CDC14A: variants seen among roughly 807,000 people sequenced by gnomAD.
CDC14A encodes the protein cell division cycle 14A.
Under a neutral mutation model 74.4 loss-of-function variants are expected in CDC14A, and 53 were observed. That is an observed-to-expected ratio of 0.71 (90% CI 0.57 to 0.89). CDC14A has a LOEUF of 0.89. Among genes scored for constraint, CDC14A ranks in the 40% least tolerant of loss-of-function variants. The pLI is 0.00. For synonymous variants in CDC14A, 247 were observed against 258.4 expected (o/e 0.96, Z 0.43); for missense variants, 646 against 713.7 (o/e 0.91, Z 1.08).
At chr1:100,507,469 C>CT (rs1215052091) in intron 15 of CDC14A, among the ~76,000 whole-genome samples, 104 of 145,920 alleles carry the variant, frequency 7.1e-4, no homozygotes, top group East Asian at 2.0e-3. Flanking sequence ...CATCATTCTT[C>CT]TTTTTTTTTT....
intron 12 of CDC14A, 63 bp downstream of exon 12, chr1:100,494,993 C>A: frequency 1.2e-6 from 1 of 828,996 alleles, no homozygotes; most frequent in Middle Eastern, 2.3e-4. Flanking sequence ...AACATTTCAT[C>A]TTCTCTTTAA....
At position 100,484,357 on chromosome 1, in the gene CDC14A, G is replaced by A; in HGVS notation, c.1043G>A (p.Ser348Asn). The A allele has an allele frequency of 6.2e-7, 1 of 1,606,718 alleles. No individual in the cohort carries two copies. Among genetic ancestry groups the A allele is most frequent in the Non-Finnish European group, 8.5e-7 (1 of 1,176,574 alleles). Reference sequence around the variant, plus strand: ...TCCAAACTGAAAAATCGACCATCCAGTGAAGGAAGTATTAATAAAATTCTT... The same window carrying A: ...TCCAAACTGAAAAATCGACCATCCAATGAAGGAAGTATTAATAAAATTCTT... ...FRSKLKNRPS[S>N]EGSINKILSG... Residue 348 changes from serine to asparagine, a missense_variant, in exon 11 of 16, where the codon AGT becomes AAT. Physicochemically the swap from Ser to Asn is conservative, Grantham distance 46. Coordinates refer to ENST00000336454, the MANE Select transcript of CDC14A (RefSeq NM_003672.4).
At chr1:100,447,979 T>C (rs1354472410) in intron 7 of CDC14A, among the ~76,000 whole-genome samples, 3 of 152,236 alleles carry the variant, frequency 2.0e-5, no homozygotes, top group Non-Finnish European at 4.4e-5. Context: ...GGCTTTCCGC[T>C]ATTTACCAAA....
chr1:100,441,650 GTT>G (rs35544438), intron 6 of CDC14A, among the ~76,000 whole-genome samples: 6 of 138,476 alleles, frequency 4.3e-5, no homozygotes, highest in Non-Finnish European at 6.3e-5. Context: ...GATGAACTCA[GTT>G]TTTTTTTTTT....
At chr1:100,355,912 C>G (rs1221864279) in intron 2 of CDC14A, among the ~76,000 whole-genome samples, 1 of 152,130 alleles carries the variant, frequency 6.6e-6, no homozygotes, top group African/African-American at 2.4e-5. Flanking sequence ...CATTCACAGG[C>G]AGGTAGGGGC....
intron 10 of CDC14A, among the ~76,000 whole-genome samples, chr1:100,470,410 A>G (rs1282567480): frequency 6.6e-6 from 1 of 151,994 alleles, no homozygotes; most frequent in Admixed American, 6.5e-5. Flanking sequence ...CACTACTTCT[A>G]ATATTATACT....
chr1:100,391,289 T>C (rs1257881401), intron 4 of CDC14A, among the ~76,000 whole-genome samples: 1 of 151,248 alleles, frequency 6.6e-6, no homozygotes, highest in Non-Finnish European at 1.5e-5. Context: ...TACAATTGTT[T>C]GCAGTAGGCA....
chr1:100,447,399 A>C (rs1557769504), intron 7 of CDC14A, among the ~76,000 whole-genome samples: 1 of 152,196 alleles, frequency 6.6e-6, no homozygotes, highest in Non-Finnish European at 1.5e-5. Flanking sequence ...AGTTCCTTAC[A>C]TTTGCCCCGA....
At chr1:100,441,021 C>T (rs1450935485) in intron 6 of CDC14A, among the ~76,000 whole-genome samples, 1 of 152,114 alleles carries the variant, frequency 6.6e-6, no homozygotes. Flanking sequence ...CAACATATAA[C>T]AGTTGATTAT....
At chr1:100,391,047 A>T (rs116151654) in intron 4 of CDC14A, 1 of 562,022 alleles carries the variant, frequency 1.8e-6, no homozygotes, top group Non-Finnish European at 3.2e-6. Flanking sequence ...AAACTGCAAT[A>T]TGTAGCTTGA....
Position 100,439,225 on chromosome 1 carries a change from C to G in CDC14A, c.390-707C>G, listed in dbSNP as rs565385624. Among the ~76,000 whole-genome samples the G allele has an allele frequency of 6.5e-4, 99 of 152,282 alleles. 1 individual carries two copies. The highest frequency in any genetic ancestry group is 2.2e-3 in the African/African-American group (91 of 41,562). ...TAGAAGCTCTCGTGGCTCCCAGTGG[C>G]TCAGAGGAGATTGTTTGGAAGCCTG... On this transcript the variant is annotated intron_variant, in intron 5 of 15. Coordinates refer to ENST00000336454, the MANE Select transcript of CDC14A (RefSeq NM_003672.4).
At chr1:100,512,558 A>T (rs1649869329) in intron 15 of CDC14A, among the ~76,000 whole-genome samples, 2 of 152,186 alleles carry the variant, frequency 1.3e-5, no homozygotes, top group Admixed American at 1.3e-4. Flanking sequence ...TGAACTGAAA[A>T]CACTCATGTA....
intron 8 of CDC14A, among the ~76,000 whole-genome samples, chr1:100,458,076 G>A (rs868600124): frequency 3.9e-5 from 6 of 152,188 alleles, no homozygotes; most frequent in Non-Finnish European, 8.8e-5. Flanking sequence ...TACCTGCCAG[G>A]AAGGGTGCTA....
rs964905839 is a variant in CDC14A at position 100,352,752 on chromosome 1, C to T, written c.-203C>T. ...GTGAGCGCCCCGCGCGGAGCGAGCT[C>T]GGGTTCCCCTCGGAATGTCCCCGGG... On this transcript the variant is annotated 5_prime_UTR_variant, in exon 1 of 16. Coordinates refer to ENST00000336454, the MANE Select transcript of CDC14A (RefSeq NM_003672.4). The T allele has an allele frequency of 8.6e-6, 12 of 1,403,238 alleles. No homozygotes were observed. Among genetic ancestry groups the T allele is most frequent in the Non-Finnish European group, 1.1e-5 (12 of 1,084,228 alleles). 86.9% of individuals were successfully genotyped at this position (1,403,238 alleles called of 1,614,324 possible). A position where few individuals can be genotyped will look rare whatever the true frequency, so the allele number is the denominator to read the frequency against.
chr1:100,442,273 G>T (rs1258542089), intron 6 of CDC14A, among the ~76,000 whole-genome samples: 1 of 145,766 alleles, frequency 6.9e-6, no homozygotes, highest in East Asian at 2.0e-4. Flanking sequence ...CTATTAAGTA[G>T]AAATATTAAG....
Position 100,393,857 on chromosome 1 carries a change from C to T in CDC14A, c.309+3033C>T, listed in dbSNP as rs141581721. The T allele has an allele frequency of 2.8e-3, 715 of 252,400 alleles. 6 individuals are homozygous for T. The highest frequency in any genetic ancestry group is 0.015 in the African/African-American group (658 of 43,556). The allele number at this position is 252,400 out of a possible 1,614,324, so 15.6% of individuals were successfully genotyped here. On this transcript the variant is annotated intron_variant, in intron 4 of 15. Transcript: ENST00000336454. ...ACTCGGGAGGCTGAGGCAGGAGAAT[C>T]GCTTGAACCCAGGAGTGGGAGGTTG...
rs559329175 is a variant in CDC14A, at chr1:100,370,225, C to T, written c.141-7321C>T. ...CTTGAACTCCTGGGGGTCAAGCGAT[C>T]GGCCTGCCTTAGCCTCTCAAAGTGT... is the stretch of plus-strand genomic sequence containing the variant. On this transcript the variant is annotated intron_variant, in intron 2 of 15. Coordinates refer to ENST00000336454, the MANE Select transcript of CDC14A (RefSeq NM_003672.4). Among the ~76,000 whole-genome samples the T allele has an allele frequency of 6.6e-5, 10 of 151,850 alleles. No homozygotes were observed. The East Asian group carries it at 7.7e-4, about 12-fold the overall frequency.
intron 4 of CDC14A, among the ~76,000 whole-genome samples, chr1:100,420,801 T>C (rs1046738895): frequency 1.3e-5 from 2 of 152,106 alleles, no homozygotes; most frequent in African/African-American, 4.8e-5. Context: ...ATTGTGCTGG[T>C]TTGTAGTAGG....
chr1:100,410,754 T>G (rs1279684486), intron 4 of CDC14A, among the ~76,000 whole-genome samples: 1 of 152,276 alleles, frequency 6.6e-6, no homozygotes, highest in Admixed American at 6.5e-5. Flanking sequence ...GAAATTAAAG[T>G]TGTTAAGATC....
Sources: gnomAD v4.1 joint callset for allele counts (sites outside exome capture counted in the v4.1 genomes callset) on GRCh38, gnomAD v4.1.1 for gene constraint, MANE v1.5 for transcripts, NCBI Gene and HGNC (gene_info 2026-07-23, HGNC 2026-07-21) for gene names.